XPO4: variants seen among roughly 807,000 people sequenced by gnomAD.
XPO4 encodes exportin 4, also known as exportin-4.
Under a neutral mutation model 143.0 loss-of-function variants are expected in XPO4, and 39 were observed. The ratio of observed to expected loss-of-function variants is 0.27; its 90% CI spans 0.21 to 0.36. The LOEUF is 0.36. Ranked by LOEUF, XPO4 falls within the 10% of genes least tolerant of loss-of-function variation. The probability of loss-of-function intolerance (pLI) is 1.00; values close to 1 mark genes in which losing one functional copy is unlikely to be tolerated. For synonymous variants in XPO4, 439 were observed against 474.0 expected (o/e 0.93, Z 0.96); for missense variants, 907 against 1,348.0 (o/e 0.67, Z 5.12).
At chr13:20,845,264 G>A (rs2138067963) in intron 4 of XPO4, among the ~76,000 whole-genome samples, 1 of 152,252 alleles carries the variant, frequency 6.6e-6, no homozygotes, top group East Asian at 1.9e-4. Flanking sequence ...TTTATGAAAG[G>A]CACAAAACCC....
At chr13:20,789,854 A>T (rs2059256827) in intron 19 of XPO4, among the ~76,000 whole-genome samples, 1 of 151,896 alleles carries the variant, frequency 6.6e-6, no homozygotes, top group Admixed American at 6.6e-5. Context: ...TTATCCTGCT[A>T]TGACAACTCA....
chr13:20,896,534 T>A (rs1000673724), intron 1 of XPO4, among the ~76,000 whole-genome samples: 3 of 152,230 alleles, frequency 2.0e-5, no homozygotes, highest in Admixed American at 6.5e-5. Flanking sequence ...TTTAAGCTGA[T>A]CACTGCTGAT....
intron 1 of XPO4, among the ~76,000 whole-genome samples, chr13:20,890,458 A>G (rs1026422687): frequency 1.1e-4 from 16 of 151,656 alleles, no homozygotes; most frequent in African/African-American, 3.9e-4. Context: ...TAAAAAAAAA[A>G]AAGAAATAAA....
At chr13:20,804,141 TATATATATACACACA>T (rs1489247734) in intron 13 of XPO4, among the ~76,000 whole-genome samples, 2 of 76,956 alleles carry the variant, frequency 2.6e-5, no homozygotes, top group African/African-American at 1.3e-4. Flanking sequence ...ATACATACAC[TATATATATACACACA>T]ATATATATAT....
intron 8 of XPO4, 46 bp downstream of exon 8, chr13:20,822,086 A>C: frequency 6.4e-7 from 1 of 1,552,786 alleles, no homozygotes; most frequent in Non-Finnish European, 8.7e-7. Flanking sequence ...TGTTAAACAC[A>C]AAACGTAGAG....
chr13:20,899,167 C>T (rs981548405), intron 1 of XPO4, among the ~76,000 whole-genome samples: 1 of 152,064 alleles, frequency 6.6e-6, no homozygotes, highest in Admixed American at 6.6e-5. Flanking sequence ...GAGGCGGTTC[C>T]TGGAACTAAC....
chr13:20,828,142 C>T (rs571039342), intron 6 of XPO4, among the ~76,000 whole-genome samples: 6 of 152,078 alleles, frequency 3.9e-5, no homozygotes, highest in South Asian at 2.1e-4. Context: ...GAGGCTGAGG[C>T]GGGAGAGTCG....
At chr13:20,813,713 T>G (rs1348740207) in intron 9 of XPO4, among the ~76,000 whole-genome samples, 1 of 152,136 alleles carries the variant, frequency 6.6e-6, no homozygotes, top group African/African-American at 2.4e-5. Context: ...ATCCCAGCAC[T>G]TTGGAAGGCT....
rs2059117743 is a variant in XPO4 at position 20,779,578 on chromosome 13, T to A, written c.*4144A>T. 6.6e-6 allele frequency: 1 copy of A among 152,402 alleles called. No individual in the cohort carries two copies. Among genetic ancestry groups the A allele is most frequent in the Admixed American group, 6.5e-5 (1 of 15,282 alleles). 9.4% of individuals were successfully genotyped at this position (152,402 alleles called of 1,614,324 possible). A position where few individuals can be genotyped will look rare whatever the true frequency, so the allele number is the denominator to read the frequency against. On this transcript the variant is annotated 3_prime_UTR_variant, in exon 23 of 23. Coordinates refer to ENST00000255305, the MANE Select transcript of XPO4 (RefSeq NM_022459.5). ...GGAGAGGAGGGTAAAGATGTGAGCT[T>A]CAAGCGGGTAATGGGCAAGCCACAC... is the stretch of plus-strand genomic sequence containing the variant.
chr13:20,810,815 T>C (rs2059572667), intron 9 of XPO4, among the ~76,000 whole-genome samples: 1 of 152,226 alleles, frequency 6.6e-6, no homozygotes, highest in Admixed American at 6.5e-5. Context: ...CAAGATAGTC[T>C]CAGTGAAATT....
At chr13:20,855,948 A>G (rs1358345736) in intron 3 of XPO4, among the ~76,000 whole-genome samples, 183 bp from the exon 4 acceptor site, 1 of 152,204 alleles carries the variant, frequency 6.6e-6, no homozygotes, top group Non-Finnish European at 1.5e-5. Flanking sequence ...TCCATTGTGG[A>G]CGGGCTGTAT....
chr13:20,787,974 T>C (rs191232086), intron 20 of XPO4, among the ~76,000 whole-genome samples: 172 of 151,928 alleles, frequency 1.1e-3, no homozygotes, highest in African/African-American at 3.9e-3. Context: ...CAGAGATCTA[T>C]GAAAGGAGGA....
At chr13:20,862,904 C>T (rs746793752) in intron 2 of XPO4, 46 bp from the exon 3 acceptor site, 2 of 1,601,526 alleles carry the variant, frequency 1.2e-6, no homozygotes, top group Non-Finnish European at 1.7e-6. Context: ...ATTCATTTTA[C>T]CTTGCACATT....
At chr13:20,881,719 C>T (rs1485883934) in intron 1 of XPO4, among the ~76,000 whole-genome samples, 2 of 152,008 alleles carry the variant, frequency 1.3e-5, no homozygotes, top group Non-Finnish European at 2.9e-5. Context: ...AACTGGACAC[C>T]TAAGATTTGT....
At chr13:20,893,266 G>A (rs1490417528) in intron 1 of XPO4, among the ~76,000 whole-genome samples, 2 of 152,134 alleles carry the variant, frequency 1.3e-5, no homozygotes, top group Non-Finnish European at 2.9e-5. Context: ...GTGAACAAGA[G>A]GCCTTACATT....
chr13:20,791,771 A>G (rs545063324), intron 18 of XPO4, among the ~76,000 whole-genome samples: 2 of 152,328 alleles, frequency 1.3e-5, no homozygotes, highest in South Asian at 4.1e-4. Flanking sequence ...CTGTCTCTAT[A>G]TTTACAATTT....
chr13:20,849,231 C>G, intron 4 of XPO4: 3 of 985,390 alleles, frequency 3.0e-6, no homozygotes, highest in Non-Finnish European at 2.4e-6. Context: ...AAGCAGACTT[C>G]CAGCTGCTCT....
intron 1 of XPO4, among the ~76,000 whole-genome samples, chr13:20,882,653 C>T (rs962171066): frequency 2.0e-5 from 3 of 152,000 alleles, no homozygotes; most frequent in Admixed American, 6.6e-5. Context: ...TTTGGGAGGC[C>T]GAGGTGGGTG....
At position 20,868,576 on chromosome 13, in the gene XPO4, T is replaced by C. The variant is rs762565728; in HGVS notation, c.175+20A>G. On this transcript the variant is annotated intron_variant, in intron 2 of 22. Coordinates refer to ENST00000255305, the MANE Select transcript of XPO4 (RefSeq NM_022459.5). ...TCTGATTATGCCAAAATATTTTATATTTTTTAAGTGAATACTTACCCAAAA... is the reference window on the plus strand; with the variant it reads ...TCTGATTATGCCAAAATATTTTATACTTTTTAAGTGAATACTTACCCAAAA... 3.1e-6 allele frequency: 5 copies of C among 1,606,510 alleles called. No individual in the cohort carries two copies. The highest frequency in any genetic ancestry group is 4.2e-6 in the Non-Finnish European group (5 of 1,177,468).
Sources: allele counts gnomAD v4.1 joint callset (sites outside exome capture counted in the v4.1 genomes callset), GRCh38; gene constraint gnomAD v4.1.1; transcripts MANE v1.5; gene names NCBI Gene and HGNC (gene_info 2026-07-23, HGNC 2026-07-21).